Variants in IL1RAPL2 observed in about 807,000 individuals in gnomAD.
IL1RAPL2 encodes X-linked interleukin-1 receptor accessory protein-like 2.
In IL1RAPL2, 3 loss-of-function variants were observed where a neutral mutation model predicts 44.1. The ratio of observed to expected loss-of-function variants is 0.07; its 90% confidence interval spans 0.03 to 0.18. IL1RAPL2 has a LOEUF of 0.18. Among genes scored for constraint, IL1RAPL2 ranks in the 10% least tolerant of loss-of-function variants. IL1RAPL2 has a pLI of 1.00. For synonymous variants in IL1RAPL2, 181 were observed against 178.8 expected (o/e 1.01, Z -0.10); for missense variants, 391 against 496.4 (o/e 0.79, Z 2.02).
At chrX:105,264,799 T>A (rs954414654) in intron 4 of IL1RAPL2, among the ~76,000 whole-genome samples, 1 of 111,820 alleles carries the variant, frequency 8.9e-6, no homozygotes, top group Admixed American at 9.5e-5. Flanking sequence ...CCTAGAGATG[T>A]CTTACCCTAA....
chrX:105,265,929 ATGT>A (rs2034398711), intron 4 of IL1RAPL2, among the ~76,000 whole-genome samples: 1 of 111,352 alleles, frequency 9.0e-6, no homozygotes, highest in Admixed American at 9.6e-5. Flanking sequence ...GTAGATGCAG[ATGT>A]TGTATACACC....
intron 5 of IL1RAPL2, among the ~76,000 whole-genome samples, chrX:105,412,178 A>G (rs1271488553): frequency 9.0e-6 from 1 of 110,689 alleles, no homozygotes; most frequent in Non-Finnish European, 1.9e-5. Flanking sequence ...GGAAGTTCAT[A>G]GTAATAAATG....
chrX:105,528,659 A>T (rs1427290207), intron 6 of IL1RAPL2, among the ~76,000 whole-genome samples: 3 of 111,191 alleles, frequency 2.7e-5, no homozygotes, highest in African/African-American at 9.8e-5. Flanking sequence ...ATTTTTTTCT[A>T]AACCACTTGA....
intron 1 of IL1RAPL2, among the ~76,000 whole-genome samples, chrX:104,598,189 T>C (rs1928805682): frequency 8.9e-6 from 1 of 112,521 alleles, no homozygotes; most frequent in African/African-American, 3.2e-5. Flanking sequence ...TGCCTTCTTA[T>C]GTCTGGAGTT....
rs1189125414 is a variant in IL1RAPL2 at position 105,078,151 on chromosome X, C to T, written c.83-117324C>T. Among the ~76,000 whole-genome samples, 6 of 111,383 alleles carry T rather than the reference C, an allele frequency of 5.4e-5. No homozygotes were observed. The Admixed American group carries it at 5.8e-4, about 11-fold the overall frequency. ...CAGTTTTTCTGCTCTGTTTTTTCCCCATCTTTGTGGCTTTATCTACCTTTG... is the reference window on the plus strand; with the variant it reads ...CAGTTTTTCTGCTCTGTTTTTTCCCTATCTTTGTGGCTTTATCTACCTTTG... On this transcript the variant is annotated intron_variant, in intron 2 of 10. Coordinates refer to ENST00000372582, the MANE Select transcript of IL1RAPL2 (RefSeq NM_017416.2).
chrX:105,633,273 A>G (rs777476545), intron 6 of IL1RAPL2, among the ~76,000 whole-genome samples: 28 of 112,206 alleles, frequency 2.5e-4, no homozygotes, highest in Non-Finnish European at 4.5e-4. Flanking sequence ...TTATGAACCT[A>G]TTAGAGAATG....
chrX:104,727,379 A>G lies in IL1RAPL2; in HGVS notation c.82+68384A>G, dbSNP rs143135506. On this transcript the variant is annotated intron_variant, in intron 2 of 10. Coordinates refer to ENST00000372582, the MANE Select transcript of IL1RAPL2 (RefSeq NM_017416.2). ...TCAGAAAATGCCAATTAAAACTACA[A>G]TGAGATACCATTTTATACTAGTCAA... Among the ~76,000 whole-genome samples the G allele has an allele frequency of 5.3e-3, 595 of 111,629 alleles. 2 individuals are homozygous for G. The highest frequency in any genetic ancestry group is 0.017 in the African/African-American group (532 of 30,799).
intron 2 of IL1RAPL2, among the ~76,000 whole-genome samples, chrX:104,907,251 C>T (rs916681774): frequency 4.5e-5 from 5 of 111,539 alleles, no homozygotes; most frequent in African/African-American, 1.6e-4. Flanking sequence ...TTCAAAAAAC[C>T]AGCTCCTGGA....
At chrX:104,704,240 T>G (rs1931327793) in intron 2 of IL1RAPL2, among the ~76,000 whole-genome samples, 1 of 111,803 alleles carries the variant, frequency 8.9e-6, no homozygotes, top group Non-Finnish European at 1.9e-5. Flanking sequence ...AGAAGGAATA[T>G]AACTTATGAT....
intron 5 of IL1RAPL2, among the ~76,000 whole-genome samples, chrX:105,441,998 T>A (rs1423476930): frequency 9.0e-6 from 1 of 111,486 alleles, no homozygotes; most frequent in Non-Finnish European, 1.9e-5. Flanking sequence ...TATTCATAAG[T>A]AATAACTACA....
At chrX:104,679,874 T>C (rs1397162321) in intron 2 of IL1RAPL2, among the ~76,000 whole-genome samples, 2 of 112,030 alleles carry the variant, frequency 1.8e-5, no homozygotes, top group Non-Finnish European at 3.8e-5. Flanking sequence ...TTAATTTACA[T>C]AAACCTGGCA....
At chrX:104,731,878 C>A (rs1931926442) in intron 2 of IL1RAPL2, among the ~76,000 whole-genome samples, 1 of 111,465 alleles carries the variant, frequency 9.0e-6, no homozygotes, top group South Asian at 3.8e-4. Flanking sequence ...AATACTTTTT[C>A]TTTTGAGTTA....
intron 2 of IL1RAPL2, among the ~76,000 whole-genome samples, chrX:104,669,633 C>T (rs1376174922): frequency 9.0e-6 from 1 of 111,385 alleles, no homozygotes; most frequent in Non-Finnish European, 1.9e-5. Context: ...GGGCTGGGGC[C>T]TCGGAATCTG....
In IL1RAPL2 at chrX:104,835,605, G is replaced by A. The variant is rs990969944; in HGVS notation, c.82+176610G>A. ...CCAGTTCCTCAAAACTTTGTACAGA[G>A]CTAAGCATACTAACAAAATTAAATA... On this transcript the variant is annotated intron_variant, in intron 2 of 10. Coordinates refer to ENST00000372582, the MANE Select transcript of IL1RAPL2 (RefSeq NM_017416.2). 3.6e-5 allele frequency among the ~76,000 whole-genome samples: 4 copies of A among 111,417 alleles called. No individual in the cohort carries two copies. In the Admixed American group the frequency reaches 3.8e-4, roughly 11 times the overall value.
At position 104,955,225 on chromosome X, in the gene IL1RAPL2, G is replaced by A. The variant is rs763473958; in HGVS notation, c.83-240250G>A. Among the ~76,000 whole-genome samples, 4 of 111,142 alleles carry A rather than the reference G, an allele frequency of 3.6e-5. No homozygotes were observed. The East Asian group carries it at 1.1e-3, about 32-fold the overall frequency. On this transcript the variant is annotated intron_variant, in intron 2 of 10. Coordinates refer to ENST00000372582, the MANE Select transcript of IL1RAPL2 (RefSeq NM_017416.2). ...TAGCCAGAGATTCACTTAAGTTGTGGCTTAGAGATGGGAAAGGCAGAGGAG... is the reference window on the plus strand; with the variant it reads ...TAGCCAGAGATTCACTTAAGTTGTGACTTAGAGATGGGAAAGGCAGAGGAG...
intron 5 of IL1RAPL2, among the ~76,000 whole-genome samples, chrX:105,318,318 A>G (rs1397763720): frequency 9.0e-6 from 1 of 111,178 alleles, no homozygotes; most frequent in East Asian, 2.8e-4. Context: ...ACACTTAGGC[A>G]CTCCTCTAGG....
At chrX:105,686,274 TC>T in intron 6 of IL1RAPL2, among the ~76,000 whole-genome samples, 1 of 102,925 alleles carries the variant, frequency 9.7e-6, no homozygotes, top group Admixed American at 1.1e-4. Context: ...TGATAAAGAG[TC>T]AAGACCCATC....
chrX:105,471,376 G>A (rs372911351), intron 5 of IL1RAPL2, among the ~76,000 whole-genome samples: 80 of 111,570 alleles, frequency 7.2e-4, no homozygotes, highest in African/African-American at 2.5e-3. Context: ...ATAGTGGGTG[G>A]CAGATGTTTT....
chrX:104,993,017 T>C (rs745725875), intron 2 of IL1RAPL2, among the ~76,000 whole-genome samples: 33 of 111,687 alleles, frequency 3.0e-4, no homozygotes, highest in Non-Finnish European at 6.0e-4. Context: ...CACCTTGACA[T>C]TGTAAATCGA....
Sources: allele counts gnomAD v4.1 joint callset (sites outside exome capture counted in the v4.1 genomes callset), GRCh38; gene constraint gnomAD v4.1.1; transcripts MANE v1.5; gene names NCBI Gene and HGNC (gene_info 2026-07-23, HGNC 2026-07-21).